CBLB: variants seen among roughly 807,000 people sequenced by gnomAD.
CBLB encodes Cbl proto-oncogene B.
A neutral mutation model predicts 104.9 loss-of-function variants in CBLB; 31 were observed. That is an observed-to-expected ratio of 0.30 (90% CI 0.22 to 0.40). The LOEUF is 0.40. CBLB is among the 10% of genes least tolerant of loss of function. CBLB has a pLI of 1.00. For missense variants in CBLB, 1,062 were observed against 1,214.6 expected (o/e 0.87, Z 1.87); for synonymous variants, 440 against 422.6 (o/e 1.04, Z -0.51).
intron 7 of CBLB, among the ~76,000 whole-genome samples, chr3:105,739,354 T>C (rs762702335): frequency 1.3e-5 from 2 of 152,246 alleles, no homozygotes; most frequent in Non-Finnish European, 2.9e-5. Flanking sequence ...GGTGGACTTT[T>C]TCCTTCTAGG....
At chr3:105,835,962 A>C (rs957275574) in intron 3 of CBLB, among the ~76,000 whole-genome samples, 3 of 152,236 alleles carry the variant, frequency 2.0e-5, no homozygotes, top group African/African-American at 7.2e-5. Flanking sequence ...GTAAATAAAG[A>C]ATAGTTACAT....
At position 105,863,434 on chromosome 3, in the gene CBLB, TG is replaced by T. The variant is rs1324511843; in HGVS notation, c.168+3975del. On this transcript the variant is annotated intron_variant, in intron 2 of 18. Transcript: ENST00000394030. Reference sequence around the variant, plus strand: ...AATACGTCAAGAAGTATAATTCAAATGAATGATATCCCTGGTTTTAAGGCTC... The same window carrying T: ...AATACGTCAAGAAGTATAATTCAAATAATGATATCCCTGGTTTTAAGGCTC... 2.0e-5 allele frequency among the ~76,000 whole-genome samples: 3 copies of T among 152,332 alleles called. No individual in the cohort carries two copies. The East Asian group carries it at 5.8e-4, about 29-fold the overall frequency.
At chr3:105,799,436 G>A (rs182390737) in intron 3 of CBLB, among the ~76,000 whole-genome samples, 35 of 152,240 alleles carry the variant, frequency 2.3e-4, no homozygotes, top group Admixed American at 1.2e-3. Context: ...GGCAACAGTT[G>A]CATCATGAAG....
intron 10 of CBLB, among the ~76,000 whole-genome samples, chr3:105,718,678 T>C (rs2072285903): frequency 6.6e-6 from 1 of 152,188 alleles, no homozygotes; most frequent in East Asian, 1.9e-4. Flanking sequence ...TGGAAGATCT[T>C]CAGGGCTGTG....
intron 3 of CBLB, among the ~76,000 whole-genome samples, chr3:105,814,697 G>A (rs182048248): frequency 3.9e-5 from 6 of 151,996 alleles, no homozygotes; most frequent in Admixed American, 1.3e-4. Flanking sequence ...CTACTACAAC[G>A]TCTTGTTTAG....
rs780186713 is a variant in CBLB at position 105,702,410 on chromosome 3, G to A, written c.1643C>T (p.Pro548Leu). The A allele has an allele frequency of 6.3e-6, 10 of 1,596,168 alleles. No homozygotes were observed. The highest frequency in any genetic ancestry group is 8.5e-6 in the Non-Finnish European group (10 of 1,170,000). ...TGGAGGAGGATCTCTTAAGGGAGGAGGTGGTGCTGGGAGTGGTTTATCTTG... is the reference window on the plus strand; with the variant it reads ...TGGAGGAGGATCTCTTAAGGGAGGAAGTGGTGCTGGGAGTGGTTTATCTTG... ...RKQDKPLPAPPPPLRDPPPPP... is the reference protein window; with the variant it reads ...RKQDKPLPAPLPPLRDPPPPP... The change falls in exon 12 of 19, where the codon CCT becomes CTT. Residue 548 changes from proline (P) to leucine (L), a missense_variant. By Grantham distance (98) the Pro-to-Leu change is moderately conservative. This residue lies in a region of CBLB where 605 missense variants were observed against 582.6 expected (regional missense o/e 1.04). Transcript: ENST00000394030.
rs1001808981 is a variant in CBLB, at chr3:105,658,184, T to C, written c.*786A>G. On this transcript the variant is annotated 3_prime_UTR_variant, in exon 19 of 19. Transcript: ENST00000394030. The stretch of plus-strand genomic sequence containing the variant: ...TTTCTAATATTGTAGATTTTTACAG[T>C]TGTGACACCCCTGGGATGACAGACA... The C allele has an allele frequency of 4.6e-6, 1 of 215,996 alleles. No homozygotes were observed. The highest frequency in any genetic ancestry group is 5.8e-5 in the Admixed American group (1 of 17,112). The allele number at this position is 215,996 out of a possible 1,614,324, so 13.4% of individuals were successfully genotyped here.
intron 5 of CBLB, 98 bp downstream of exon 5, chr3:105,751,364 G>A: frequency 1.2e-6 from 1 of 817,302 alleles, no homozygotes; most frequent in East Asian, 2.6e-5. Context: ...TTGTTTATGT[G>A]TGTGTGTGTG....
intron 3 of CBLB, among the ~76,000 whole-genome samples, chr3:105,843,250 A>G (rs2089797562): frequency 6.6e-6 from 1 of 152,162 alleles, no homozygotes. Context: ...TAAAATCCTC[A>G]AATTGATTTC....
At chr3:105,738,907 T>A (rs1403925387) in intron 7 of CBLB, among the ~76,000 whole-genome samples, 1 of 152,094 alleles carries the variant, frequency 6.6e-6, no homozygotes, top group Non-Finnish European at 1.5e-5. Flanking sequence ...TTTGTGTGTG[T>A]TGGTATTATT....
intron 2 of CBLB, among the ~76,000 whole-genome samples, chr3:105,855,825 C>T (rs970675314): frequency 5.3e-5 from 8 of 152,182 alleles, no homozygotes; most frequent in African/African-American, 1.9e-4. Context: ...AAAAAATTCA[C>T]TTTCATAAAC....
In CBLB at chr3:105,658,489, G is replaced by C. The variant is rs1426061693; in HGVS notation, c.*481C>G. ...GGAACTGGACCTGGGCAAGGCATGG[G>C]GATGGTAGAGATCCATATGAATAAA... On this transcript the variant is annotated 3_prime_UTR_variant, in exon 19 of 19. Coordinates refer to ENST00000394030, the MANE Select transcript of CBLB (RefSeq NM_170662.5). The C allele has an allele frequency of 2.6e-5, 6 of 234,182 alleles. No homozygotes were observed. The highest frequency in any genetic ancestry group is 4.2e-5 in the Non-Finnish European group (5 of 117,968). The allele number at this position is 234,182 out of a possible 1,614,324, so 14.5% of individuals were successfully genotyped here.
intron 2 of CBLB, among the ~76,000 whole-genome samples, chr3:105,862,464 G>GTA (rs888884664): frequency 6.6e-6 from 1 of 152,090 alleles, no homozygotes; most frequent in Non-Finnish European, 1.5e-5. Context: ...ACCAAGACCT[G>GTA]TAGATTTTAC....
At chr3:105,664,453 G>A (rs933267394) in intron 18 of CBLB, among the ~76,000 whole-genome samples, 8 of 152,132 alleles carry the variant, frequency 5.3e-5, no homozygotes, top group Non-Finnish European at 7.4e-5. Flanking sequence ...TCTTAAGATC[G>A]TAAGTGAAAA....
intron 17 of CBLB, chr3:105,672,739 C>T (rs2065201250): frequency 6.6e-6 from 1 of 151,886 alleles, no homozygotes; most frequent in African/African-American, 2.4e-5. Flanking sequence ...ATTTATAGTA[C>T]AGCACTGCAA....
At position 105,693,520 on chromosome 3, in the gene CBLB, T is replaced by TGGA. The variant is rs773046259; in HGVS notation, c.2025_2027dup (p.Pro676dup). 9.9e-6 allele frequency: 16 copies of TGGA among 1,611,552 alleles called. No individual in the cohort carries two copies. Among genetic ancestry groups the TGGA allele is most frequent in the Non-Finnish European group, 1.3e-5 (15 of 1,178,034 alleles). Reference sequence around the variant, plus strand: ...TTATGCTAGGGAGGAGGGTGGTAACTGGAGGAGGAGGAGAAAGCCGGGGAG... The same window carrying TGGA: ...TTATGCTAGGGAGGAGGGTGGTAACTGGAGGAGGAGGAGGAGAAAGCCGGGGAG... On this transcript the variant is annotated inframe_insertion, in exon 13 of 19. Transcript: ENST00000394030.
chr3:105,758,238 C>CA (rs1388290106), intron 4 of CBLB, among the ~76,000 whole-genome samples: 1 of 152,282 alleles, frequency 6.6e-6, no homozygotes, highest in East Asian at 1.9e-4. Context: ...ACTCTGGTTA[C>CA]ATAGTCACCA....
chr3:105,777,486 G>C (rs1254429645), intron 3 of CBLB, among the ~76,000 whole-genome samples: 2 of 152,154 alleles, frequency 1.3e-5, no homozygotes, highest in Non-Finnish European at 2.9e-5. Context: ...AAATAAGCAG[G>C]GCGTGGGAGC....
At chr3:105,868,342 C>G (rs1706460229) in intron 1 of CBLB, 1 of 619,512 alleles carries the variant, frequency 1.6e-6, no homozygotes, top group East Asian at 3.5e-5. Flanking sequence ...TGTTTCAGGA[C>G]GCCTGTGTCC....
Sources: allele counts gnomAD v4.1 joint callset (sites outside exome capture counted in the v4.1 genomes callset), GRCh38; gene constraint gnomAD v4.1.1; regional missense constraint gnomAD v4.1.1; transcripts MANE v1.5; gene names NCBI Gene and HGNC (gene_info 2026-07-23, HGNC 2026-07-21).